Variants in ATP6V0A4 observed in about 807,000 individuals in gnomAD.
The protein encoded by ATP6V0A4 is ATPase H+ transporting V0 subunit a4.
In ATP6V0A4, 86 loss-of-function variants were observed where a neutral mutation model predicts 107.3. The ratio of observed to expected loss-of-function variants is 0.80; its 90% CI spans 0.67 to 0.96. The LOEUF (loss-of-function observed/expected upper bound fraction) is 0.96. Among genes scored for constraint, ATP6V0A4 ranks in the 40% least tolerant of loss-of-function variants. The pLI is 0.00. For missense variants in ATP6V0A4, 908 were observed against 1,045.6 expected (o/e 0.87, Z 1.81); for synonymous variants, 353 against 381.4 (o/e 0.93, Z 0.87).
At chr7:138,727,758 G>A (rs932835166) in intron 18 of ATP6V0A4, among the ~76,000 whole-genome samples, 7 of 152,324 alleles carry the variant, frequency 4.6e-5, no homozygotes. Flanking sequence ...ACTAATAGAG[G>A]AAAGCAGAGA....
chr7:138,724,904 C>G (rs1395809314), intron 18 of ATP6V0A4, among the ~76,000 whole-genome samples: 1 of 152,184 alleles, frequency 6.6e-6, no homozygotes, highest in Admixed American at 6.5e-5. Context: ...TAAAATCGCA[C>G]AATGCTTAAG....
intron 1 of ATP6V0A4, among the ~76,000 whole-genome samples, chr7:138,792,786 GTTT>G (rs869050228): frequency 5.0e-5 from 3 of 59,960 alleles, no homozygotes; most frequent in African/African-American, 1.7e-4. Flanking sequence ...TTGTTGTTTT[GTTT>G]TTTTTTTTGT....
intron 12 of ATP6V0A4, 81 bp from the exon 13 acceptor site, chr7:138,747,645 C>T (rs1314088680): frequency 1.2e-5 from 19 of 1,577,906 alleles, no homozygotes; most frequent in African/African-American, 4.1e-5. Context: ...CACAGCTCCA[C>T]GATTTGCATG....
chr7:138,716,069 T>A, intron 19 of ATP6V0A4, 188 bp from the exon 20 acceptor site: 1 of 377,380 alleles, frequency 2.6e-6, no homozygotes, highest in Non-Finnish European at 3.6e-6. Flanking sequence ...ATGTGTGTCT[T>A]AACGTTCCCC....
Position 138,709,741 on chromosome 7 carries a change from C to A in ATP6V0A4, c.2312G>T (p.Gly771Val). Residue 771 changes from glycine to valine, a missense_variant, in exon 21 of 22, where the codon GGC becomes GTC. Physicochemically the swap from Gly to Val is moderately radical, Grantham distance 109 (BLOSUM62 -3). Transcript: ENST00000310018. The stretch of plus-strand genomic sequence containing the variant: ...AAAAACCCCGACGATTCCTCCCCAG[C>A]CTCGCGTCTGAAGGCCGCTGTTCAT... ...MVMNSGLQTR[G>V]WGGIVGVFII... 1 of 1,614,098 alleles carries A rather than the reference C, an allele frequency of 6.2e-7. No individual in the cohort carries two copies. Among genetic ancestry groups the A allele is most frequent in the Non-Finnish European group, 8.5e-7 (1 of 1,180,002 alleles).
chr7:138,717,909 GAAA>G (rs55813379), intron 19 of ATP6V0A4, among the ~76,000 whole-genome samples: 213 of 70,940 alleles, frequency 3.0e-3, no homozygotes, highest in African/African-American at 0.011. Context: ...CTCTGTCTCG[GAAA>G]AAAAAAAAAA....
chr7:138,707,172 AT>A (rs1803432515), intron 21 of ATP6V0A4, among the ~76,000 whole-genome samples: 2 of 59,050 alleles, frequency 3.4e-5, no homozygotes, highest in East Asian at 2.8e-4. Context: ...TATATTATAT[AT>A]ATTATATAAT....
chr7:138,723,733 C>A (rs1202903722), intron 18 of ATP6V0A4, among the ~76,000 whole-genome samples: 1 of 151,566 alleles, frequency 6.6e-6, no homozygotes, highest in African/African-American at 2.4e-5. Flanking sequence ...TCCATGCTGG[C>A]CAGGGTGATC....
rs185255549 is a variant in ATP6V0A4, at chr7:138,745,372, G to A, written c.1321-92C>T. 1.5e-4 allele frequency: 241 copies of A among 1,590,344 alleles called. No homozygotes were observed. The African/African-American group carries it at 2.7e-3, about 18-fold the overall frequency. ...TCTACAGGATATCTCCAGCATCACC[G>A]GTGCAGGCACCCTTGGGGGAGCCAC... On this transcript the variant is annotated intron_variant, in intron 13 of 21. Transcript: ENST00000310018.
In ATP6V0A4 at chr7:138,732,978, C is replaced by T. The variant is rs374330946; in HGVS notation, c.1807G>A (p.Val603Ile). The T allele has an allele frequency of 1.1e-5, 18 of 1,613,388 alleles. No individual in the cohort carries two copies. Among genetic ancestry groups the T allele is most frequent in the East Asian group, 4.5e-5 (2 of 44,878 alleles). The change falls in exon 17 of 22, where the codon GTC becomes ATC. Residue 603 changes from valine to isoleucine, a missense_variant. Physicochemically the swap from Val to Ile is conservative, Grantham distance 29. Transcript: ENST00000310018. ...MIIFKWCCFD[V>I]HVSQHAPSIL... ...CTGGGGGCGTGCTGAGATACATGGA[C>T]GTCAAAGCAGCACCATTTGAAAATG...
At chr7:138,746,943 T>C (rs1297392773) in intron 13 of ATP6V0A4, among the ~76,000 whole-genome samples, 1 of 152,214 alleles carries the variant, frequency 6.6e-6, no homozygotes, top group Non-Finnish European at 1.5e-5. Flanking sequence ...CCCAGGCTGC[T>C]TCTGCCATGA....
rs1399856988 is a variant in ATP6V0A4 at position 138,777,643 on chromosome 7, C to T, written c.-17-6379G>A. On this transcript the variant is annotated intron_variant, in intron 2 of 21. Transcript: ENST00000310018. ...AAAAAAAAAAAAAAATACACACACA[C>T]ACACACACACACACACACACATATA... Among the ~76,000 whole-genome samples, 5 of 149,768 alleles carry T rather than the reference C, an allele frequency of 3.3e-5. No homozygotes were observed. The East Asian group carries it at 7.8e-4, about 23-fold the overall frequency.
In ATP6V0A4 at chr7:138,707,279, TATA is replaced by T. The variant is rs1257020457; in HGVS notation, c.2430-565_2430-563del. Among the ~76,000 whole-genome samples the T allele has an allele frequency of 8.9e-4, 82 of 92,262 alleles. 2 individuals carry two copies. Among genetic ancestry groups the T allele is most frequent in the African/African-American group, 3.2e-3 (70 of 21,588 alleles). The allele number at this position is 92,262 out of a possible 152,430, so 60.5% of individuals were successfully genotyped here. A position where few individuals can be genotyped will look rare whatever the true frequency, so the allele number is the denominator to read the frequency against. On this transcript the variant is annotated intron_variant, in intron 21 of 21. Transcript: ENST00000310018. Reference sequence around the variant, plus strand: ...AATATATATTATATTATATATTCTATATAATAATTATATTATAAATATATTTAT... The same window carrying T: ...AATATATATTATATTATATATTCTATATAATTATATTATAAATATATTTAT...
At chr7:138,714,395 G>A (rs573544439) in intron 20 of ATP6V0A4, among the ~76,000 whole-genome samples, 2 of 152,162 alleles carry the variant, frequency 1.3e-5, no homozygotes, top group South Asian at 2.1e-4. Context: ...GATTCCTGAC[G>A]TTAGGCAACC....
Position 138,706,556 on chromosome 7 carries a change from G to A in ATP6V0A4, c.*68C>T, listed in dbSNP as rs1357784978. The A allele has an allele frequency of 1.9e-6, 3 of 1,575,696 alleles. No homozygotes were observed. Among genetic ancestry groups the A allele is most frequent in the East Asian group, 4.5e-5 (2 of 44,536 alleles). ...TCCCATTGAGCGCCTTGCAGGGGCT[G>A]ATATCAAAGACAAGACTGAACTTCC... On this transcript the variant is annotated 3_prime_UTR_variant, in exon 22 of 22. Transcript: ENST00000310018.
In ATP6V0A4 at chr7:138,714,499, AGT is replaced by A. The variant is rs967225066; in HGVS notation, c.2257+1263_2257+1264del. ...GGCAAGAGGATCCCTTGAGGCCAGG[AGT>A]GTGAGATCAGCCTGGGCAACATAGT... is the stretch of plus-strand genomic sequence containing the variant. On this transcript the variant is annotated intron_variant, in intron 20 of 21. Coordinates refer to ENST00000310018, the MANE Select transcript of ATP6V0A4 (RefSeq NM_020632.3). Among the ~76,000 whole-genome samples, 25 of 152,226 alleles carry A rather than the reference AGT, an allele frequency of 1.6e-4. No homozygotes were observed. The Middle Eastern group carries it at 0.01, about 62-fold the overall frequency.
At chr7:138,775,644 A>ATTTTTTTTTTTTTTTTTTTTTTTTTTTT (rs36128448) in intron 2 of ATP6V0A4, among the ~76,000 whole-genome samples, 1 of 89,078 alleles carries the variant, frequency 1.1e-5, no homozygotes, top group Non-Finnish European at 2.1e-5. Flanking sequence ...GATTGGGCTG[A>ATTTTTTTTTTTTTTTTTTTTTTTTTTTT]TTTTTTTTTT....
rs1343188378 is a variant in ATP6V0A4, at chr7:138,745,182, G to A, written c.1419C>T (p.Ser473=). 1 of 1,614,226 alleles carries A rather than the reference G, an allele frequency of 6.2e-7. No individual in the cohort carries two copies. The highest frequency in any genetic ancestry group is 8.5e-7 in the Non-Finnish European group (1 of 1,180,032). ...TCCAAGAAGAGCCAAAGATGTTCAA[G>A]GACTTGGAGAAGCAGTCATTGTAGA... is the stretch of plus-strand genomic sequence containing the variant. ...GLIYNDCFSK[S]LNIFGSSWSV... is the part of the protein sequence containing the mutation. Residue 473 remains serine, a synonymous_variant, in exon 14 of 22, where the codon TCC becomes TCT. Coordinates refer to ENST00000310018, the MANE Select transcript of ATP6V0A4 (RefSeq NM_020632.3).
intron 19 of ATP6V0A4, among the ~76,000 whole-genome samples, chr7:138,716,972 G>C (rs781499778): frequency 1.3e-5 from 2 of 152,208 alleles, no homozygotes; most frequent in Non-Finnish European, 2.9e-5. Flanking sequence ...GCAATGACCA[G>C]GGCATGCAGT....
Sources: gnomAD v4.1 joint callset for allele counts (sites outside exome capture counted in the v4.1 genomes callset) on GRCh38, gnomAD v4.1.1 for gene constraint, MANE v1.5 for transcripts, NCBI Gene and HGNC (gene_info 2026-07-23, HGNC 2026-07-21) for gene names.